Variants in DMD observed in about 807,000 individuals in gnomAD.
DMD encodes the protein dystrophin, also known as mutant dystrophin.
In DMD, 63 loss-of-function variants were observed where a neutral mutation model predicts 330.1. The observed-to-expected ratio is 0.19, with a 90% confidence interval of 0.16 to 0.24. The LOEUF is 0.24. DMD is among the 10% of genes least tolerant of loss of function. The pLI is 1.00. For missense variants in DMD, 3,344 were observed against 2,684.1 expected (o/e 1.25, Z -5.43); for synonymous variants, 1,223 against 959.8 (o/e 1.27, Z -5.07).
intron 43 of DMD, among the ~76,000 whole-genome samples, chrX:32,258,635 G>A (rs984621408): frequency 1.4e-4 from 15 of 109,649 alleles, no homozygotes; most frequent in Admixed American, 2.0e-4. Flanking sequence ...GACACAGGGC[G>A]GGGAACATCA....
intron 63 of DMD, among the ~76,000 whole-genome samples, chrX:31,242,398 A>C (rs1283322494): frequency 9.2e-6 from 1 of 108,554 alleles, no homozygotes; most frequent in African/African-American, 3.4e-5. Flanking sequence ...TTGGCCCTAC[A>C]TTTTACTTTA....
intron 9 of DMD, among the ~76,000 whole-genome samples, chrX:32,692,505 C>CA (rs777237832): frequency 3.6e-5 from 4 of 111,517 alleles, no homozygotes; most frequent in Non-Finnish European, 7.5e-5. Context: ...GGGGCAAAGG[C>CA]AGAGATAGAG....
intron 52 of DMD, among the ~76,000 whole-genome samples, chrX:31,698,874 G>T (rs1232375777): frequency 8.9e-6 from 1 of 111,839 alleles, no homozygotes; most frequent in Non-Finnish European, 1.9e-5. Context: ...ATCCCAAAAA[G>T]CTAGAATGCA....
chrX:32,748,278 C>T (rs375207546), intron 7 of DMD, among the ~76,000 whole-genome samples: 20 of 103,790 alleles, frequency 1.9e-4, no homozygotes, highest in Non-Finnish European at 3.5e-4. Flanking sequence ...CGGGAGGCAG[C>T]GGTAGCAGTG....
At chrX:32,150,641 A>T (rs1031827875) in intron 44 of DMD, among the ~76,000 whole-genome samples, 3 of 111,543 alleles carry the variant, frequency 2.7e-5, no homozygotes, top group Non-Finnish European at 3.8e-5. Flanking sequence ...TTTTGCTATC[A>T]CATATGAGAT....
intron 55 of DMD, among the ~76,000 whole-genome samples, chrX:31,575,907 A>G (rs751122965): frequency 3.2e-4 from 36 of 112,415 alleles, no homozygotes; most frequent in Non-Finnish European, 5.4e-4. Context: ...AGTCTAGATC[A>G]GAAATATATT....
intron 7 of DMD, among the ~76,000 whole-genome samples, chrX:32,798,597 A>G (rs1448843873): frequency 8.9e-6 from 1 of 112,078 alleles, no homozygotes; most frequent in Non-Finnish European, 1.9e-5. Context: ...TTTTTCATTC[A>G]TGTAAGTGCC....
intron 1 of DMD, among the ~76,000 whole-genome samples, chrX:33,110,361 G>A (rs2095330337): frequency 9.0e-6 from 1 of 111,185 alleles, no homozygotes; most frequent in African/African-American, 3.3e-5. Flanking sequence ...TGTGCAAAAT[G>A]AAAACTAAAA....
At chrX:31,179,738 A>G (rs2040956109) in intron 69 of DMD, among the ~76,000 whole-genome samples, 1 of 111,580 alleles carries the variant, frequency 9.0e-6, no homozygotes. Context: ...GCCACTTAAC[A>G]TTTTCCTAAA....
intron 2 of DMD, among the ~76,000 whole-genome samples, chrX:32,910,837 G>A (rs2087173719): frequency 8.9e-6 from 1 of 112,000 alleles, no homozygotes; most frequent in South Asian, 3.7e-4. Flanking sequence ...ATATGAACTT[G>A]CTTTCTCTCA....
At chrX:32,154,428 C>T (rs890233196) in intron 44 of DMD, among the ~76,000 whole-genome samples, 2 of 112,087 alleles carry the variant, frequency 1.8e-5, no homozygotes, top group African/African-American at 6.5e-5. Context: ...AAGAGATATA[C>T]GATGACATAG....
chrX:32,220,834 T>C (rs1256570268), intron 43 of DMD, among the ~76,000 whole-genome samples: 2 of 109,703 alleles, frequency 1.8e-5, no homozygotes. Flanking sequence ...ATTTTTGCCT[T>C]CTGTAATATT....
chrX:33,039,185 A>C (rs1248446973), intron 1 of DMD, among the ~76,000 whole-genome samples: 1 of 111,261 alleles, frequency 9.0e-6, no homozygotes, highest in African/African-American at 3.3e-5. Flanking sequence ...TAAAAGTGTG[A>C]GTATTCTAAG....
chrX:33,221,499 C>A (rs1386770355), intron 1 of DMD, among the ~76,000 whole-genome samples: 1 of 111,180 alleles, frequency 9.0e-6, no homozygotes, highest in Non-Finnish European at 1.9e-5. Flanking sequence ...AATCAAAGTT[C>A]TCATCTCAAG....
At chrX:32,556,173 C>T (rs1042133897) in intron 16 of DMD, among the ~76,000 whole-genome samples, 1 of 112,191 alleles carries the variant, frequency 8.9e-6, no homozygotes, top group South Asian at 3.7e-4. Flanking sequence ...AAACACTTCT[C>T]AAAAGAAGAC....
chrX:31,171,661 G>T (rs1347225296), intron 73 of DMD, among the ~76,000 whole-genome samples: 2 of 110,961 alleles, frequency 1.8e-5, no homozygotes, highest in Non-Finnish European at 3.8e-5. Context: ...GCTCTGTATT[G>T]TGAACACTGC....
intron 47 of DMD, among the ~76,000 whole-genome samples, chrX:31,916,013 T>A (rs888369983): frequency 1.8e-5 from 2 of 112,137 alleles, no homozygotes; most frequent in Non-Finnish European, 3.8e-5. Context: ...GTGTTAGAAA[T>A]GAGTGAGCCA....
chrX:32,359,180 A>G (rs2097820753), intron 37 of DMD, among the ~76,000 whole-genome samples: 1 of 111,864 alleles, frequency 8.9e-6, no homozygotes, highest in African/African-American at 3.3e-5. Context: ...TCCTCAGCCA[A>G]TCTGAACTGA....
chrX:31,722,171 T>C (rs780260010), intron 52 of DMD, among the ~76,000 whole-genome samples: 1 of 110,825 alleles, frequency 9.0e-6, no homozygotes, highest in East Asian at 2.8e-4. Context: ...CAGGTTAGAG[T>C]GCAATGGCGT....
Sources: gnomAD v4.1 joint callset for allele counts (sites outside exome capture counted in the v4.1 genomes callset) on GRCh38, gnomAD v4.1.1 for gene constraint, MANE v1.5 for transcripts, NCBI Gene and HGNC (gene_info 2026-07-23, HGNC 2026-07-21) for gene names.